PARD3B: variants seen among roughly 807,000 people sequenced by gnomAD.
The protein encoded by PARD3B is par-3 family cell polarity regulator beta, also known as partitioning defective 3 homolog B.
In PARD3B, 103 loss-of-function variants were observed where a neutral mutation model predicts 130.2. That is an observed-to-expected ratio of 0.79 (90% CI 0.67 to 0.93). The LOEUF (loss-of-function observed/expected upper bound fraction) is 0.93. Ranked by LOEUF, PARD3B falls within the 40% of genes least tolerant of loss-of-function variation. The pLI is 0.00. For missense variants in PARD3B, 1,609 were observed against 1,499.2 expected (o/e 1.07, Z -1.21); for synonymous variants, 583 against 553.2 (o/e 1.05, Z -0.76).
chr2:204,864,406 A>G (rs1042350550), intron 2 of PARD3B, among the ~76,000 whole-genome samples: 1 of 152,208 alleles, frequency 6.6e-6, no homozygotes, highest in Non-Finnish European at 1.5e-5. Flanking sequence ...CTTTTGACTC[A>G]GCATGTCCCA....
At chr2:204,939,846 T>G (rs1191569509) in intron 2 of PARD3B, among the ~76,000 whole-genome samples, 1 of 152,204 alleles carries the variant, frequency 6.6e-6, no homozygotes, top group Admixed American at 6.5e-5. Flanking sequence ...TTCCTATTTA[T>G]TATCACACCA....
intron 3 of PARD3B, among the ~76,000 whole-genome samples, chr2:205,024,686 T>G (rs909193061): frequency 4.6e-5 from 7 of 152,208 alleles, no homozygotes; most frequent in African/African-American, 1.7e-4. Context: ...TCCTCATAGA[T>G]CTATAATACC....
At chr2:205,520,150 G>GTCTT (rs2050975233) in intron 21 of PARD3B, among the ~76,000 whole-genome samples, 1 of 152,134 alleles carries the variant, frequency 6.6e-6, no homozygotes, top group African/African-American at 2.4e-5. Context: ...GTGGCCAAGG[G>GTCTT]TCTTTTGTTT....
At chr2:205,493,713 CATTTATGTATGTATTT>C (rs72276066) in intron 20 of PARD3B, among the ~76,000 whole-genome samples, 71,715 of 146,634 alleles carry the variant, frequency 0.49, 18,999 homozygotes, top group Middle Eastern at 0.65. Flanking sequence ...CATTTCTTTT[CATTTATGTATGTATTT>C]ATTTATTTAT....
chr2:205,355,931 T>C (rs1574790656), intron 18 of PARD3B, among the ~76,000 whole-genome samples: 1 of 152,158 alleles, frequency 6.6e-6, no homozygotes, highest in South Asian at 2.1e-4. Context: ...AAGAAAAGCA[T>C]GGGGAAACTG....
chr2:205,231,967 C>A (rs1390606968), intron 15 of PARD3B, among the ~76,000 whole-genome samples: 4 of 152,170 alleles, frequency 2.6e-5, no homozygotes, highest in African/African-American at 9.7e-5. Context: ...TGTTCCCACC[C>A]ACAAGATTGG....
At chr2:205,502,693 C>T (rs1028308396) in intron 21 of PARD3B, among the ~76,000 whole-genome samples, 3 of 151,992 alleles carry the variant, frequency 2.0e-5, no homozygotes, top group Non-Finnish European at 4.4e-5. Flanking sequence ...ACTCGTAAAC[C>T]CATTTCAAAA....
Position 205,550,937 on chromosome 2 carries a change from G to GTATATATATA in PARD3B, c.3181-2386_3181-2385insATATATATAT, listed in dbSNP as rs2052599500. Among the ~76,000 whole-genome samples, 2 of 83,842 alleles carry GTATATATATA rather than the reference G, an allele frequency of 2.4e-5. No individual in the cohort carries two copies. Among genetic ancestry groups the GTATATATATA allele is most frequent in the African/African-American group, 3.9e-5 (1 of 25,506 alleles). The allele number at this position is 83,842 out of a possible 152,430, so 55.0% of individuals were successfully genotyped here. A position where few individuals can be genotyped will look rare whatever the true frequency, so the allele number is the denominator to read the frequency against. ...TACATATAATTATGTGTGTGTGTGT[G>GTATATATATA]TGTGTATATATATATGTGTATATAT... is the stretch of plus-strand genomic sequence containing the variant. On this transcript the variant is annotated intron_variant, in intron 21 of 22. Transcript: ENST00000406610. This position sits in a 1 kb window ranked among gnomAD's most constrained non-coding sequence, Gnocchi z 4.5.
intron 4 of PARD3B, among the ~76,000 whole-genome samples, chr2:205,076,213 T>C (rs866114780): frequency 6.6e-6 from 1 of 152,214 alleles, no homozygotes; most frequent in Non-Finnish European, 1.5e-5. Context: ...GTAATTCTTA[T>C]ATAACTAGAT....
intron 18 of PARD3B, among the ~76,000 whole-genome samples, chr2:205,335,450 G>A (rs1055761938): frequency 6.6e-6 from 1 of 151,998 alleles, no homozygotes; most frequent in African/African-American, 2.4e-5. Context: ...CATGCCATGT[G>A]TATCATGGTA....
At position 205,405,853 on chromosome 2, in the gene PARD3B, C is replaced by A. The variant is rs2046401120; in HGVS notation, c.2741+4730C>A. Among the ~76,000 whole-genome samples, 1 of 152,176 alleles carries A rather than the reference C, an allele frequency of 6.6e-6. No homozygotes were observed. Among genetic ancestry groups the A allele is most frequent in the Non-Finnish European group, 1.5e-5 (1 of 68,016 alleles). On this transcript the variant is annotated intron_variant, in intron 19 of 22. Coordinates refer to ENST00000406610, the MANE Select transcript of PARD3B (RefSeq NM_001302769.2). This position sits in a 1 kb window ranked among gnomAD's most constrained non-coding sequence, Gnocchi z 4.1. Reference sequence around the variant, plus strand: ...GGATGTGGAAGGTTTGATTTAATAACAAATATATGAAACATTTGCCTGATG... The same window carrying A: ...GGATGTGGAAGGTTTGATTTAATAAAAAATATATGAAACATTTGCCTGATG...
intron 2 of PARD3B, among the ~76,000 whole-genome samples, chr2:204,851,372 A>G (rs549870722): frequency 1.3e-5 from 2 of 152,298 alleles, no homozygotes; most frequent in Admixed American, 6.5e-5. Flanking sequence ...ACTTTCCTCA[A>G]GGCTTCTGAT....
At position 205,402,892 on chromosome 2, in the gene PARD3B, A is replaced by G. The variant is rs140419716; in HGVS notation, c.2741+1769A>G. Among the ~76,000 whole-genome samples the G allele has an allele frequency of 1.2e-3, 182 of 152,298 alleles. 1 individual carries two copies. Among genetic ancestry groups the G allele is most frequent in the African/African-American group, 3.1e-3 (130 of 41,568 alleles). On this transcript the variant is annotated intron_variant, in intron 19 of 22. Coordinates refer to ENST00000406610, the MANE Select transcript of PARD3B (RefSeq NM_001302769.2). The stretch of plus-strand genomic sequence containing the variant: ...AGGAAGAAGTTGAGGAGTTGATTTT[A>G]TGGTTGGGTGCTATAGAATTAATGA...
rs905839871 is a variant in PARD3B at position 204,652,224 on chromosome 2, G to C, written c.121-33957G>C. ...CCACATGGCCAGGCGCAAATTTTCCGAACTTCTTGCTCTGCTTCCTTTTTA... is the reference window on the plus strand; with the variant it reads ...CCACATGGCCAGGCGCAAATTTTCCCAACTTCTTGCTCTGCTTCCTTTTTA... On this transcript the variant is annotated intron_variant, in intron 1 of 22. Coordinates refer to ENST00000406610, the MANE Select transcript of PARD3B (RefSeq NM_001302769.2). 2.6e-5 allele frequency among the ~76,000 whole-genome samples: 4 copies of C among 151,884 alleles called. No individual in the cohort carries two copies. The East Asian group carries it at 7.8e-4, about 29-fold the overall frequency.
intron 2 of PARD3B, among the ~76,000 whole-genome samples, chr2:204,839,696 AAAAC>A (rs1457918126): frequency 6.6e-6 from 1 of 152,148 alleles, no homozygotes; most frequent in Non-Finnish European, 1.5e-5. Context: ...TGCAGGGAGG[AAAAC>A]AAACAAACTG....
chr2:204,988,297 G>A (rs994815938), intron 3 of PARD3B, among the ~76,000 whole-genome samples: 3 of 152,140 alleles, frequency 2.0e-5, no homozygotes, highest in African/African-American at 4.8e-5. Flanking sequence ...CAAAACAATT[G>A]AACTCATGGA....
chr2:205,028,596 C>A (rs1697200194), intron 3 of PARD3B, among the ~76,000 whole-genome samples: 1 of 152,150 alleles, frequency 6.6e-6, no homozygotes, highest in Non-Finnish European at 1.5e-5. Context: ...GCCTTCCCTT[C>A]AGAGACCTCT....
rs540744096 is a variant in PARD3B, at chr2:204,775,783, A to G, written c.222+89501A>G. ...CTTCAGTTTCTGGCAGGTGCCCTCA[A>G]TGTGTAGACTCTGTTAGCTCCCTGT... On this transcript the variant is annotated intron_variant, in intron 2 of 22. Transcript: ENST00000406610. 1.7e-3 allele frequency among the ~76,000 whole-genome samples: 252 copies of G among 152,278 alleles called. 1 individual carries two copies. The highest frequency in any genetic ancestry group is 3.0e-3 in the Non-Finnish European group (205 of 68,026).
At chr2:205,097,454 C>T (rs1191124617) in intron 4 of PARD3B, among the ~76,000 whole-genome samples, 1 of 152,158 alleles carries the variant, frequency 6.6e-6, no homozygotes. Context: ...GAACTGGCTT[C>T]ACTCATCAAC....
Sources: gnomAD v4.1 joint callset for allele counts (sites outside exome capture counted in the v4.1 genomes callset) on GRCh38, gnomAD v4.1.1 for gene constraint, Gnocchi (gnomAD v3.1) non-coding constraint, MANE v1.5 for transcripts, NCBI Gene and HGNC (gene_info 2026-07-23, HGNC 2026-07-21) for gene names.